Variants in CELF4 observed in about 807,000 individuals in gnomAD.
CELF4 encodes the protein CUGBP Elav-like family member 4.
In CELF4, 18 loss-of-function variants were observed where a neutral mutation model predicts 59.9. The observed-to-expected ratio is 0.30, with a 90% CI of 0.21 to 0.45. The LOEUF (loss-of-function observed/expected upper bound fraction) is 0.45, where lower values mean the gene tolerates loss of function less well. CELF4 is among the 20% of genes least tolerant of loss of function. CELF4 has a pLI of 1.00. For missense variants in CELF4, 456 were observed against 689.0 expected (o/e 0.66, Z 3.79); for synonymous variants, 261 against 267.1 (o/e 0.98, Z 0.22).
intron 3 of CELF4, among the ~76,000 whole-genome samples, chr18:37,292,601 T>G (rs534491848): frequency 6.6e-6 from 1 of 152,220 alleles, no homozygotes; most frequent in Non-Finnish European, 1.5e-5. Flanking sequence ...GGAAACTTGC[T>G]GCGGTTATTA....
chr18:37,288,101 A>G (rs2094981426), intron 3 of CELF4, among the ~76,000 whole-genome samples: 1 of 152,212 alleles, frequency 6.6e-6, no homozygotes, highest in Admixed American at 6.5e-5. Flanking sequence ...AGGTCCCTGC[A>G]TCTCTACATT....
At chr18:37,256,324 T>C (rs932422136) in intron 11 of CELF4, among the ~76,000 whole-genome samples, 1 of 152,208 alleles carries the variant, frequency 6.6e-6, no homozygotes, top group Non-Finnish European at 1.5e-5. Context: ...AATTTACACA[T>C]GTGCTTATAA....
At chr18:37,345,665 G>A (rs1259350768) in intron 2 of CELF4, among the ~76,000 whole-genome samples, 1 of 152,122 alleles carries the variant, frequency 6.6e-6, no homozygotes, top group Non-Finnish European at 1.5e-5. Flanking sequence ...GGAGGCTCTG[G>A]GGGAGGAAGC....
chr18:37,286,292 G>A (rs756606697), intron 3 of CELF4, among the ~76,000 whole-genome samples: 29 of 152,346 alleles, frequency 1.9e-4, no homozygotes, highest in Non-Finnish European at 3.8e-4. Context: ...CCATGGAGCG[G>A]GGGCTCGTTA....
At chr18:37,428,858 T>A (rs1325294142) in intron 2 of CELF4, among the ~76,000 whole-genome samples, 4 of 152,152 alleles carry the variant, frequency 2.6e-5, no homozygotes, top group Admixed American at 2.0e-4. Context: ...CTTCTTTATT[T>A]CTGTATCTCT....
chr18:37,329,679 C>T (rs930047514), intron 2 of CELF4, among the ~76,000 whole-genome samples: 2 of 152,230 alleles, frequency 1.3e-5, no homozygotes, highest in Non-Finnish European at 2.9e-5. Context: ...CATGGGTGGA[C>T]CTGGCAGGTA....
chr18:37,308,668 A>C (rs867849081), intron 3 of CELF4, among the ~76,000 whole-genome samples: 6 of 152,202 alleles, frequency 3.9e-5, no homozygotes, highest in Non-Finnish European at 7.3e-5. Flanking sequence ...AGTTATTTGC[A>C]ACTGGCCATT....
chr18:37,514,662 A>G (rs1309533903), intron 1 of CELF4, among the ~76,000 whole-genome samples: 1 of 152,208 alleles, frequency 6.6e-6, no homozygotes, highest in Non-Finnish European at 1.5e-5. Context: ...AAAGGGAATT[A>G]GAATTTTAAA....
At position 37,308,086 on chromosome 18, in the gene CELF4, A is replaced by G. The variant is rs562731282; in HGVS notation, c.448+13717T>C. On this transcript the variant is annotated intron_variant, in intron 3 of 12. Coordinates refer to ENST00000420428, the MANE Select transcript of CELF4 (RefSeq NM_020180.4). ...TGACGGGCTCCTGAACCTACAGTCT[A>G]ATTCTCCTGCCCCCTGCCCAACCCC... Among the ~76,000 whole-genome samples, 4 of 152,036 alleles carry G rather than the reference A, an allele frequency of 2.6e-5. No individual in the cohort carries two copies. In the South Asian group the frequency reaches 8.3e-4, roughly 32 times the overall value.
chr18:37,272,626 G>A (rs184097835), intron 7 of CELF4, among the ~76,000 whole-genome samples: 453 of 150,026 alleles, frequency 3.0e-3, no homozygotes, highest in Middle Eastern at 7.1e-3. Context: ...TTCTGTGCTT[G>A]GGCCAGGGGC....
At chr18:37,272,902 G>T in intron 7 of CELF4, 114 bp downstream of exon 7, 1 of 1,068,938 alleles carries the variant, frequency 9.4e-7, no homozygotes. Context: ...CTCGGGCCCA[G>T]ACACTATGTG....
At chr18:37,326,286 A>G (rs2097308372) in intron 2 of CELF4, among the ~76,000 whole-genome samples, 2 of 152,136 alleles carry the variant, frequency 1.3e-5, no homozygotes, top group Non-Finnish European at 2.9e-5. Flanking sequence ...GGAAGACCAG[A>G]AGGCCAGTTG....
At chr18:37,515,816 G>T (rs916698681) in intron 1 of CELF4, among the ~76,000 whole-genome samples, 1 of 152,092 alleles carries the variant, frequency 6.6e-6, no homozygotes, top group Non-Finnish European at 1.5e-5. Context: ...ATGGAGCTTC[G>T]CAGAGGGGCT....
chr18:37,384,380 GGGACTGGGGATGA>G (rs1205303045), intron 2 of CELF4, among the ~76,000 whole-genome samples: 1 of 152,162 alleles, frequency 6.6e-6, no homozygotes, highest in Admixed American at 6.5e-5. Context: ...GGGAGGCAGA[GGGACTGGGGATGA>G]GGACAGGGGA....
chr18:37,377,681 T>C (rs530809962), intron 2 of CELF4, among the ~76,000 whole-genome samples: 14 of 152,316 alleles, frequency 9.2e-5, no homozygotes, highest in African/African-American at 2.9e-4. Context: ...GGTGTGTTCC[T>C]GGGGACATGT....
rs1430765553 is a variant in CELF4 at position 37,565,549 on chromosome 18, C to T, written c.93G>A (p.Gly31=). The stretch of plus-strand genomic sequence containing the variant: ...GGCTGTGGCTTAATCCGTTCATGTG[C>T]CCGGCACTGCCCGGGCTGCTGCCGA... ...NGLGSSPGSA[G]HMNGLSHSPG... The change falls in exon 1 of 13, where the codon GGG becomes GGA. Residue 31 remains glycine, a synonymous_variant. Coordinates refer to ENST00000420428, the MANE Select transcript of CELF4 (RefSeq NM_020180.4). 1.9e-6 allele frequency: 3 copies of T among 1,614,176 alleles called. No homozygotes were observed. The highest frequency in any genetic ancestry group is 2.2e-5 in the East Asian group (1 of 44,876).
rs73433243 is a variant in CELF4, at chr18:37,484,893, C to A, written c.369+632G>T. Among the ~76,000 whole-genome samples, 1,102 of 152,272 alleles carry A rather than the reference C, an allele frequency of 7.2e-3. 22 individuals are homozygous for A. Among genetic ancestry groups the A allele is most frequent in the African/African-American group, 0.025 (1,028 of 41,548 alleles). ...ATACTCAGCAGCCGTATATCTCTCC[C>A]CCCTCACCACCGCCCCATCTCTCTG... is the stretch of plus-strand genomic sequence containing the variant. On this transcript the variant is annotated intron_variant, in intron 2 of 12. Transcript: ENST00000420428.
At chr18:37,554,365 C>T (rs1029809408) in intron 1 of CELF4, among the ~76,000 whole-genome samples, 2 of 152,132 alleles carry the variant, frequency 1.3e-5, no homozygotes, top group African/African-American at 2.4e-5. Flanking sequence ...TCTTGATGAC[C>T]CTGGGTGAGT....
chr18:37,265,690 C>T (rs1233143877), intron 9 of CELF4, among the ~76,000 whole-genome samples: 1 of 152,130 alleles, frequency 6.6e-6, no homozygotes, highest in Non-Finnish European at 1.5e-5. Flanking sequence ...AGCAACAGAG[C>T]CTGAAGTCAG....
Sources: gnomAD v4.1 joint callset for allele counts (sites outside exome capture counted in the v4.1 genomes callset) on GRCh38, gnomAD v4.1.1 for gene constraint, MANE v1.5 for transcripts, NCBI Gene and HGNC (gene_info 2026-07-23, HGNC 2026-07-21) for gene names.